The following HHAT variants were observed in gnomAD, a reference collection of about 807,000 sequenced individuals.
HHAT encodes the protein hedgehog acyltransferase.
HHAT carries 47 observed loss-of-function variants against 70.8 expected under a neutral mutation model. The observed-to-expected ratio is 0.66, with a 90% confidence interval of 0.53 to 0.85. HHAT has a LOEUF of 0.85. HHAT is among the 40% of genes least tolerant of loss of function. The probability of loss-of-function intolerance (pLI) is 0.00; values close to 1 mark genes in which losing one functional copy is unlikely to be tolerated. For synonymous variants in HHAT, 228 were observed against 247.6 expected (o/e 0.92, Z 0.74); for missense variants, 609 against 604.8 (o/e 1.01, Z -0.07).
intron 9 of HHAT, among the ~76,000 whole-genome samples, chr1:210,539,296 A>G (rs576962517): frequency 1.2e-4 from 19 of 152,346 alleles, no homozygotes; most frequent in South Asian, 4.1e-4. Context: ...CTATGATTCA[A>G]GAATTTTATA....
At chr1:210,666,150 G>A (rs2148971630) in intron 11 of HHAT, among the ~76,000 whole-genome samples, 1 of 152,346 alleles carries the variant, frequency 6.6e-6, no homozygotes, top group South Asian at 2.1e-4. Context: ...GGTGGTCACA[G>A]ACTCGGGAGT....
chr1:210,442,009 C>A (rs1272251238), intron 7 of HHAT, among the ~76,000 whole-genome samples: 1 of 117,860 alleles, frequency 8.5e-6, no homozygotes, highest in African/African-American at 3.3e-5. Flanking sequence ...CCTCCCCCCA[C>A]CCCACAACAG....
intron 8 of HHAT, among the ~76,000 whole-genome samples, chr1:210,501,221 A>G (rs910089096): frequency 2.6e-5 from 4 of 152,240 alleles, no homozygotes; most frequent in African/African-American, 9.6e-5. Context: ...CACTTTAAAT[A>G]TTCATTAAAT....
At chr1:210,457,313 A>T (rs2093889862) in intron 7 of HHAT, among the ~76,000 whole-genome samples, 1 of 152,196 alleles carries the variant, frequency 6.6e-6, no homozygotes, top group Admixed American at 6.5e-5. Flanking sequence ...TCTTATAAAT[A>T]ACCTCATATG....
At chr1:210,567,862 G>T (rs1490908869) in intron 9 of HHAT, among the ~76,000 whole-genome samples, 2 of 152,132 alleles carry the variant, frequency 1.3e-5, no homozygotes, top group African/African-American at 2.4e-5. Context: ...GGGTGCCCTT[G>T]GTTCTCAGGT....
At chr1:210,341,915 C>T (rs1422408975) in intron 1 of HHAT, among the ~76,000 whole-genome samples, 1 of 152,120 alleles carries the variant, frequency 6.6e-6, no homozygotes, top group Non-Finnish European at 1.5e-5. Flanking sequence ...GAAAACTTTG[C>T]TATGATTTCC....
chr1:210,513,602 T>C (rs910190144), intron 9 of HHAT, among the ~76,000 whole-genome samples: 4 of 152,238 alleles, frequency 2.6e-5, no homozygotes, highest in Non-Finnish European at 2.9e-5. Context: ...TTGTTCATAA[T>C]TGAAAGAGAT....
intron 9 of HHAT, among the ~76,000 whole-genome samples, chr1:210,574,823 T>C (rs1657267014): frequency 6.6e-6 from 1 of 152,248 alleles, no homozygotes; most frequent in South Asian, 2.1e-4. Flanking sequence ...CAGAGCACTT[T>C]CTTCTAGAGA....
chr1:210,526,478 G>A (rs538922408), intron 9 of HHAT, among the ~76,000 whole-genome samples: 1 of 151,698 alleles, frequency 6.6e-6, no homozygotes, highest in African/African-American at 2.4e-5. Flanking sequence ...TATGAGCTGC[G>A]TCAGTTCCAC....
At chr1:210,447,917 G>A (rs981184406) in intron 7 of HHAT, among the ~76,000 whole-genome samples, 6 of 152,128 alleles carry the variant, frequency 3.9e-5, no homozygotes, top group African/African-American at 1.4e-4. Context: ...CCCACAAAGC[G>A]GAGGACCCAG....
chr1:210,355,820 C>T (rs555201275), intron 2 of HHAT, among the ~76,000 whole-genome samples: 1 of 152,182 alleles, frequency 6.6e-6, no homozygotes, highest in Non-Finnish European at 1.5e-5. Context: ...CATGAAATCT[C>T]TTTGGGAGTA....
intron 9 of HHAT, among the ~76,000 whole-genome samples, chr1:210,544,260 A>G (rs2095459795): frequency 6.6e-6 from 1 of 151,444 alleles, no homozygotes; most frequent in South Asian, 2.1e-4. Flanking sequence ...TTTTGACTAT[A>G]TGGATTCCTG....
At chr1:210,345,484 T>C (rs638981) in intron 1 of HHAT, among the ~76,000 whole-genome samples, 114,413 of 151,772 alleles carry the variant, frequency 0.75, 44,241 homozygotes, top group African/African-American at 0.93. Context: ...CCGACCACCA[T>C]CACAACTGCC....
intron 3 of HHAT, among the ~76,000 whole-genome samples, chr1:210,367,575 G>A (rs2089126179): frequency 6.6e-6 from 1 of 152,176 alleles, no homozygotes; most frequent in Non-Finnish European, 1.5e-5. Flanking sequence ...TTCCAGTGGT[G>A]TTGCTATGGT....
intron 6 of HHAT, 23 bp from the exon 7 acceptor site, chr1:210,418,131 G>A: frequency 6.2e-7 from 1 of 1,612,990 alleles, no homozygotes; most frequent in Non-Finnish European, 8.5e-7. Flanking sequence ...ACCATCGAAT[G>A]ACCTCTTTTG....
At chr1:210,565,373 G>T (rs1481553388) in intron 9 of HHAT, among the ~76,000 whole-genome samples, 2 of 152,202 alleles carry the variant, frequency 1.3e-5, no homozygotes, top group East Asian at 3.8e-4. Flanking sequence ...CTCTTAGTCT[G>T]ATCTGGCATG....
intron 8 of HHAT, among the ~76,000 whole-genome samples, chr1:210,506,699 A>G (rs2094860509): frequency 6.6e-6 from 1 of 152,168 alleles, no homozygotes; most frequent in South Asian, 2.1e-4. Context: ...TATTTTATGT[A>G]CTTACATAAA....
At chr1:210,394,229 C>CTTTTTTTTTTTTTTTTTT (rs59554789) in intron 4 of HHAT, among the ~76,000 whole-genome samples, 1 of 116,288 alleles carries the variant, frequency 8.6e-6, no homozygotes, top group Non-Finnish European at 1.8e-5. Context: ...CATGATCTAT[C>CTTTTTTTTTTTTTTTTTT]TTTTTTTTTT....
chr1:210,450,865 G>A (rs1036175933), intron 7 of HHAT, among the ~76,000 whole-genome samples: 2 of 151,946 alleles, frequency 1.3e-5, no homozygotes, highest in African/African-American at 2.4e-5. Flanking sequence ...GGCAGATCAC[G>A]AGGTCAGGAG....
Sources: gnomAD v4.1 joint callset for allele counts (sites outside exome capture counted in the v4.1 genomes callset) on GRCh38, gnomAD v4.1.1 for gene constraint, MANE v1.5 for transcripts, NCBI Gene and HGNC (gene_info 2026-07-23, HGNC 2026-07-21) for gene names.